Variants in CNIH4 observed in about 807,000 individuals in gnomAD.
CNIH4 encodes the protein cornichon family member 4.
In CNIH4, 9 loss-of-function variants were observed where a neutral mutation model predicts 21.5. That is an observed-to-expected ratio of 0.42 (90% CI 0.25 to 0.73). The LOEUF (loss-of-function observed/expected upper bound fraction) is 0.73. CNIH4 is among the 30% of genes least tolerant of loss of function. The pLI, the probability that CNIH4 is intolerant of heterozygous loss-of-function variation, is 0.27. For missense variants in CNIH4, 159 were observed against 170.0 expected, an observed-to-expected ratio of 0.94 and a Z score of 0.36; for synonymous variants, 67 against 59.1, an observed-to-expected ratio of 1.13 and a Z score of -0.61.
chr1:224,360,548 C>G lies in CNIH4; in HGVS notation c.123C>G (p.Cys41Trp). 6.8e-7 allele frequency: 1 copy of G among 1,478,078 alleles called. No individual in the cohort carries two copies. Among genetic ancestry groups the G allele is most frequent in the Non-Finnish European group, 9.0e-7 (1 of 1,107,452 alleles). 91.6% of individuals were successfully genotyped at this position (1,478,078 alleles called of 1,614,324 possible). The change falls in exon 2 of 5, where the codon TGC becomes TGG. Residue 41 changes from cysteine (C) to tryptophan (W), a missense_variant. Physicochemically the swap from Cys to Trp is radical, Grantham distance 215. Coordinates refer to ENST00000465271, the MANE Select transcript of CNIH4 (RefSeq NM_014184.4). The stretch of plus-strand genomic sequence containing the variant: ...ATTACATTAATGCTAGATCATGTTG[C>G]TCAAAATTAAACAAGGTAAGACATT... ...ECDYINARSC[C>W]SKLNKWVIPE...
intron 3 of CNIH4, among the ~76,000 whole-genome samples, chr1:224,366,604 C>T (rs912425500): frequency 6.6e-6 from 1 of 151,888 alleles, no homozygotes; most frequent in South Asian, 2.1e-4. Context: ...CCACCTTAGC[C>T]TCTCAAAGTG....
chr1:224,367,524 A>AT lies in CNIH4; in HGVS notation c.251+1549dup, dbSNP rs770314664. On this transcript the variant is annotated intron_variant, in intron 3 of 4. Transcript: ENST00000465271. The stretch of plus-strand genomic sequence containing the variant: ...TTAATATACTGAACATGGGTTCTGA[A>AT]TTTTTTTTTTTTTTTTAAGAGATGA... Among the ~76,000 whole-genome samples, 1,093 of 142,872 alleles carry AT rather than the reference A, an allele frequency of 7.7e-3. 5 individuals are homozygous for AT. Among genetic ancestry groups the AT allele is most frequent in the Middle Eastern group, 0.03 (8 of 270 alleles). The allele number at this position is 142,872 out of a possible 152,430, so 93.7% of individuals were successfully genotyped here. A position where few individuals can be genotyped will look rare whatever the true frequency, so the allele number is the denominator to read the frequency against.
intron 1 of CNIH4, among the ~76,000 whole-genome samples, chr1:224,359,862 A>G (rs1672224550): frequency 6.6e-6 from 1 of 152,178 alleles, no homozygotes. Context: ...TGCCCGGCTA[A>G]TGAAAAAAAA....
intron 3 of CNIH4, among the ~76,000 whole-genome samples, chr1:224,366,967 A>C (rs1672480253): frequency 6.7e-6 from 1 of 148,388 alleles, no homozygotes; most frequent in African/African-American, 2.6e-5. Flanking sequence ...GTCTCAAGAA[A>C]AAAAAAAAAA....
At chr1:224,363,378 G>A (rs975512784) in intron 2 of CNIH4, among the ~76,000 whole-genome samples, 2 of 152,206 alleles carry the variant, frequency 1.3e-5, no homozygotes, top group African/African-American at 4.8e-5. Flanking sequence ...TAGCATTTAT[G>A]CTAAAATGAT....
At chr1:224,374,770 C>T (rs1183257055) in intron 4 of CNIH4, among the ~76,000 whole-genome samples, 2 of 152,174 alleles carry the variant, frequency 1.3e-5, no homozygotes, top group African/African-American at 2.4e-5. Flanking sequence ...GTACCTACCT[C>T]ATCACATTTT....
At chr1:224,372,691 T>G (rs770737390) in intron 4 of CNIH4, among the ~76,000 whole-genome samples, 1 of 151,836 alleles carries the variant, frequency 6.6e-6, no homozygotes, top group Non-Finnish European at 1.5e-5. Context: ...CAAGCGATTC[T>G]CCTGCCTCAG....
chr1:224,377,348 AAC>A lies in CNIH4; in HGVS notation c.*1528_*1529del, dbSNP rs1672808928. The A allele has an allele frequency of 6.6e-6, 1 of 152,212 alleles. No homozygotes were observed. Among genetic ancestry groups the A allele is most frequent in the African/African-American group, 2.4e-5 (1 of 41,428 alleles). The allele number at this position is 152,212 out of a possible 1,614,324, so 9.4% of individuals were successfully genotyped here. ...CCTCTGAGGCAGCTTTTGCTTAGAA[AAC>A]AGTCCCTTCACTCTGCCTTTCCTCC... On this transcript the variant is annotated 3_prime_UTR_variant, in exon 5 of 5. Transcript: ENST00000465271.
Position 224,376,974 on chromosome 1 carries a change from T to G in CNIH4, c.*1152T>G. 1.1e-6 allele frequency: 1 copy of G among 929,050 alleles called. No individual in the cohort carries two copies. The highest frequency in any genetic ancestry group is 5.0e-5 in the South Asian group (1 of 20,142). The allele number at this position is 929,050 out of a possible 1,614,324, so 57.6% of individuals were successfully genotyped here. On this transcript the variant is annotated 3_prime_UTR_variant, in exon 5 of 5. Coordinates refer to ENST00000465271, the MANE Select transcript of CNIH4 (RefSeq NM_014184.4). ...TCTGTGGGAGAATCCAAAGGCATTATTCACTCTAGTTGAGATAGAATTGGG... is the reference window on the plus strand; with the variant it reads ...TCTGTGGGAGAATCCAAAGGCATTAGTCACTCTAGTTGAGATAGAATTGGG...
At chr1:224,362,912 A>G (rs1572121796) in intron 2 of CNIH4, among the ~76,000 whole-genome samples, 1 of 151,922 alleles carries the variant, frequency 6.6e-6, no homozygotes, top group African/African-American at 2.4e-5. Context: ...TCTTCCTACA[A>G]CATCCACTAA....
At chr1:224,357,069 G>A (rs1672136693) in intron 1 of CNIH4, 76 bp downstream of exon 1, 1 of 1,532,050 alleles carries the variant, frequency 6.5e-7, no homozygotes, top group Non-Finnish European at 8.9e-7. Flanking sequence ...ACCCGGGCAG[G>A]TGTGTGGGAC....
chr1:224,373,741 T>C (rs1672701627), intron 4 of CNIH4, among the ~76,000 whole-genome samples: 1 of 151,760 alleles, frequency 6.6e-6, no homozygotes, highest in African/African-American at 2.4e-5. Flanking sequence ...GGCAGGAGAA[T>C]CGCTTGAACC....
At chr1:224,373,852 TG>T (rs1672706030) in intron 4 of CNIH4, among the ~76,000 whole-genome samples, 1 of 151,562 alleles carries the variant, frequency 6.6e-6, no homozygotes, top group East Asian at 1.9e-4. Flanking sequence ...AATAAAGTGG[TG>T]GGGAGTTGGA....
intron 3 of CNIH4, among the ~76,000 whole-genome samples, chr1:224,369,786 C>T (rs1210854179): frequency 6.6e-6 from 1 of 151,244 alleles, no homozygotes; most frequent in Non-Finnish European, 1.5e-5. Context: ...AAGCGATTCT[C>T]CTGCCTCAGC....
chr1:224,358,565 A>T (rs1436314938), intron 1 of CNIH4, among the ~76,000 whole-genome samples: 1 of 151,876 alleles, frequency 6.6e-6, no homozygotes, highest in Non-Finnish European at 1.5e-5. Flanking sequence ...TTAAAACATT[A>T]TGATTCTTTT....
intron 1 of CNIH4, 191 bp downstream of exon 1, chr1:224,357,184 CG>C: frequency 1.6e-6 from 1 of 610,876 alleles, no homozygotes. Context: ...CCCTACCCGA[CG>C]GGCCCTGCTG....
At chr1:224,373,344 A>G (rs1229607616) in intron 4 of CNIH4, among the ~76,000 whole-genome samples, 1 of 151,936 alleles carries the variant, frequency 6.6e-6, no homozygotes, top group East Asian at 1.9e-4. Context: ...CATCCTCCCC[A>G]CCCCTGCGGT....
chr1:224,370,449 C>T (rs983367401), intron 3 of CNIH4, among the ~76,000 whole-genome samples: 1 of 152,146 alleles, frequency 6.6e-6, no homozygotes, highest in East Asian at 1.9e-4. Context: ...GACGTGAGAG[C>T]AGGAAGAATT....
chr1:224,374,793 G>C (rs1672735286), intron 4 of CNIH4, among the ~76,000 whole-genome samples: 1 of 152,154 alleles, frequency 6.6e-6, no homozygotes, highest in Non-Finnish European at 1.5e-5. Flanking sequence ...TGTGGGCTGA[G>C]ATAATACATG....
Sources: gnomAD v4.1 joint callset for allele counts (sites outside exome capture counted in the v4.1 genomes callset) on GRCh38, gnomAD v4.1.1 for gene constraint, MANE v1.5 for transcripts, NCBI Gene and HGNC (gene_info 2026-07-23, HGNC 2026-07-21) for gene names.